The following GRIK4 variants were observed in gnomAD, a reference collection of about 807,000 sequenced individuals.
GRIK4 encodes the protein glutamate ionotropic receptor kainate type subunit 4, also known as glutamate receptor ionotropic, kainate 4.
In GRIK4, 40 loss-of-function variants were observed where a neutral mutation model predicts 104.9. The ratio of observed to expected loss-of-function variants is 0.38; its 90% confidence interval spans 0.30 to 0.50. GRIK4 has a LOEUF of 0.50. Among genes scored for constraint, GRIK4 ranks in the 20% least tolerant of loss-of-function variants. GRIK4 has a pLI of 0.93. For missense variants in GRIK4, 1,047 were observed against 1,308.1 expected, an observed-to-expected ratio of 0.80 and a Z score of 3.08; for synonymous variants, 485 against 524.9, an observed-to-expected ratio of 0.92 and a Z score of 1.04.
chr11:120,875,061 C>A, intron 10 of GRIK4, 78 bp from the exon 11 acceptor site: 1 of 882,758 alleles, frequency 1.1e-6, no homozygotes, highest in Non-Finnish European at 1.9e-6. Context: ...CTTAAATAGC[C>A]CCTGTGTAGA....
At chr11:120,548,296 T>C (rs1323348901) in intron 1 of GRIK4, among the ~76,000 whole-genome samples, 1 of 151,742 alleles carries the variant, frequency 6.6e-6, no homozygotes, top group Non-Finnish European at 1.5e-5. Context: ...GAATTCTGAT[T>C]TGGGGGTGGG....
chr11:120,700,531 T>C (rs1174167052), intron 3 of GRIK4, among the ~76,000 whole-genome samples: 2 of 151,672 alleles, frequency 1.3e-5, no homozygotes, highest in Non-Finnish European at 2.9e-5. Flanking sequence ...TGATCTCGGC[T>C]CACTGCAACC....
chr11:120,923,051 C>T (rs1277027596), intron 13 of GRIK4, among the ~76,000 whole-genome samples: 1 of 152,178 alleles, frequency 6.6e-6, no homozygotes, highest in Non-Finnish European at 1.5e-5. Flanking sequence ...TCCTAGGTGG[C>T]GACAGAACAG....
At chr11:120,808,272 C>A (rs551403211) in intron 4 of GRIK4, among the ~76,000 whole-genome samples, 10 of 152,246 alleles carry the variant, frequency 6.6e-5, no homozygotes, top group African/African-American at 1.9e-4. Context: ...GTCTCACAGC[C>A]CTCCTCTGTA....
At chr11:120,599,998 C>T (rs749602837) in intron 1 of GRIK4, among the ~76,000 whole-genome samples, 7 of 152,330 alleles carry the variant, frequency 4.6e-5, no homozygotes, top group Non-Finnish European at 8.8e-5. Flanking sequence ...GGCATGAGCA[C>T]CTAGCATGGG....
intron 1 of GRIK4, among the ~76,000 whole-genome samples, chr11:120,566,322 G>C (rs895586509): frequency 1.3e-5 from 2 of 152,200 alleles, no homozygotes; most frequent in African/African-American, 2.4e-5. Context: ...ACCCTGTCCA[G>C]GGTCATCCAG....
At chr11:120,964,748 T>C (rs1349315880) in intron 18 of GRIK4, among the ~76,000 whole-genome samples, 1 of 152,214 alleles carries the variant, frequency 6.6e-6, no homozygotes, top group African/African-American at 2.4e-5. Flanking sequence ...TGTTTTCACA[T>C]GTTCTCTCAC....
intron 1 of GRIK4, among the ~76,000 whole-genome samples, chr11:120,553,384 AC>A (rs1298409090): frequency 6.6e-6 from 1 of 152,204 alleles, no homozygotes; most frequent in Non-Finnish European, 1.5e-5. Flanking sequence ...CTAGGAAGTC[AC>A]GGGAGGCTGG....
chr11:120,723,081 T>C (rs1950962687), intron 3 of GRIK4, among the ~76,000 whole-genome samples: 1 of 152,238 alleles, frequency 6.6e-6, no homozygotes, highest in African/African-American at 2.4e-5. Flanking sequence ...GTAAATATAT[T>C]GTCAGATCAT....
At chr11:120,926,494 C>A (rs1383030377) in intron 13 of GRIK4, among the ~76,000 whole-genome samples, 1 of 152,094 alleles carries the variant, frequency 6.6e-6, no homozygotes, top group Non-Finnish European at 1.5e-5. Context: ...TATTACTAAC[C>A]CCATTTTCCA....
At chr11:120,834,933 G>A (rs924128587) in intron 7 of GRIK4, among the ~76,000 whole-genome samples, 2 of 152,220 alleles carry the variant, frequency 1.3e-5, no homozygotes, top group South Asian at 2.1e-4. Flanking sequence ...TCCGTGGGTC[G>A]CATCCGTCTA....
At chr11:120,815,094 G>T (rs1167906416) in intron 4 of GRIK4, among the ~76,000 whole-genome samples, 3 of 152,278 alleles carry the variant, frequency 2.0e-5, no homozygotes, top group Non-Finnish European at 4.4e-5. Context: ...TTCTGTGACA[G>T]TCCAGACAAT....
In GRIK4 at chr11:120,988,083, CAGTT is replaced by C. The variant is rs1211065774; in HGVS notation, c.*1826_*1829del. On this transcript the variant is annotated 3_prime_UTR_variant, in exon 21 of 21. Transcript: ENST00000527524. ...GGCATCCTCTTTATGCCAGGACAATCAGTTAGGGCTGCCGTCCTGGGGGCCAAAT... is the reference window on the plus strand; with the variant it reads ...GGCATCCTCTTTATGCCAGGACAATCAGGGCTGCCGTCCTGGGGGCCAAAT... 6.6e-6 allele frequency: 1 copy of C among 152,230 alleles called. No individual in the cohort carries two copies. Among genetic ancestry groups the C allele is most frequent in the Non-Finnish European group, 1.5e-5 (1 of 68,036 alleles). The allele number at this position is 152,230 out of a possible 1,614,324, so 9.4% of individuals were successfully genotyped here.
At chr11:120,601,955 A>T (rs192565741) in intron 1 of GRIK4, among the ~76,000 whole-genome samples, 1 of 152,096 alleles carries the variant, frequency 6.6e-6, no homozygotes, top group African/African-American at 2.4e-5. Context: ...ACCCTAGGCT[A>T]TCAGTGACCC....
chr11:120,767,810 T>TC lies in GRIK4; in HGVS notation c.83-34879dup, dbSNP rs983729911. 3.5e-4 allele frequency among the ~76,000 whole-genome samples: 54 copies of TC among 152,310 alleles called. 1 individual carries two copies. Among genetic ancestry groups the TC allele is most frequent in the Admixed American group, 2.0e-3 (30 of 15,290 alleles). On this transcript the variant is annotated intron_variant, in intron 3 of 20. Coordinates refer to ENST00000527524, the MANE Select transcript of GRIK4 (RefSeq NM_014619.5). ...ACCATTTATTAAAGAGACTATCATTTCCCCATTGTGTCCTCTTGGTGCCCT... is the reference window on the plus strand; with the variant it reads ...ACCATTTATTAAAGAGACTATCATTTCCCCCATTGTGTCCTCTTGGTGCCCT...
intron 1 of GRIK4, chr11:120,576,420 C>T (rs1478547753): frequency 6.6e-6 from 1 of 152,216 alleles, no homozygotes; most frequent in Admixed American, 6.5e-5. Context: ...CCCCCCATTT[C>T]TGCTCCCCTC....
Position 120,655,973 on chromosome 11 carries a change from C to G in GRIK4, c.-51+2181C>G, listed in dbSNP as rs192873691. On this transcript the variant is annotated intron_variant, in intron 2 of 20. Transcript: ENST00000527524. ...AAGTCTGGGCTTGAGCTGTAGATGT[C>G]AATGCCACAGCATGCAGGTGGAGGA... Among the ~76,000 whole-genome samples, 7 of 152,212 alleles carry G rather than the reference C, an allele frequency of 4.6e-5. No homozygotes were observed. The East Asian group carries it at 1.4e-3, about 29-fold the overall frequency.
Position 120,897,601 on chromosome 11 carries a change from C to CAAAAAAAAAAA in GRIK4, c.1165-915_1165-905dup, listed in dbSNP as rs56807699. Among the ~76,000 whole-genome samples the CAAAAAAAAAAA allele has an allele frequency of 1.3e-3, 17 of 13,056 alleles. 2 individuals are homozygous for CAAAAAAAAAAA. Among genetic ancestry groups the CAAAAAAAAAAA allele is most frequent in the East Asian group, 4.9e-3 (1 of 206 alleles). 8.6% of individuals were successfully genotyped at this position (13,056 alleles called of 152,430 possible). ...TGGGTGACAGAACAAGACTCCTTCTCAAAAAAAAAAAAAAAAAAAAAAAAA... is the reference window on the plus strand; with the variant it reads ...TGGGTGACAGAACAAGACTCCTTCTCAAAAAAAAAAAAAAAAAAAAAAAAAAAAAAAAAAAA... On this transcript the variant is annotated intron_variant, in intron 11 of 20. Coordinates refer to ENST00000527524, the MANE Select transcript of GRIK4 (RefSeq NM_014619.5).
intron 1 of GRIK4, among the ~76,000 whole-genome samples, chr11:120,626,097 C>T (rs1366018715): frequency 6.6e-6 from 1 of 152,124 alleles, no homozygotes; most frequent in Non-Finnish European, 1.5e-5. Flanking sequence ...AAAGTGTCCC[C>T]CCGCCCCAAC....
Sources: gnomAD v4.1 joint callset for allele counts (sites outside exome capture counted in the v4.1 genomes callset) on GRCh38, gnomAD v4.1.1 for gene constraint, MANE v1.5 for transcripts, NCBI Gene and HGNC (gene_info 2026-07-23, HGNC 2026-07-21) for gene names.